The following FAM20B variants were observed in gnomAD, a reference collection of about 807,000 sequenced individuals.
FAM20B encodes glycosaminoglycan xylosylkinase.
In FAM20B, 23 loss-of-function variants were observed where a neutral mutation model predicts 43.8. The observed-to-expected ratio is 0.53, with a 90% CI of 0.38 to 0.74. The LOEUF (loss-of-function observed/expected upper bound fraction) is 0.74, where lower values mean the gene tolerates loss of function less well. Ranked by LOEUF, FAM20B falls within the 30% of genes least tolerant of loss-of-function variation. The probability of loss-of-function intolerance (pLI) is 0.00; values close to 1 mark genes in which losing one functional copy is unlikely to be tolerated. For synonymous variants in FAM20B, 178 were observed against 192.4 expected (o/e 0.93, Z 0.62); for missense variants, 440 against 510.5 (o/e 0.86, Z 1.33).
intron 1 of FAM20B, among the ~76,000 whole-genome samples, chr1:179,033,685 CTTTCTT>C (rs1256491271): frequency 7.9e-5 from 12 of 152,050 alleles, no homozygotes; most frequent in African/African-American, 2.2e-4. Flanking sequence ...TTATTTCTTT[CTTTCTT>C]TTTCTTTTTC....
chr1:179,033,522 A>G (rs995608952), intron 1 of FAM20B, among the ~76,000 whole-genome samples: 2 of 152,156 alleles, frequency 1.3e-5, no homozygotes, highest in Admixed American at 6.5e-5. Context: ...CCTCCCTGAG[A>G]TAATTGTTTT....
chr1:179,027,702 C>T (rs1649844897), intron 1 of FAM20B, among the ~76,000 whole-genome samples: 1 of 152,160 alleles, frequency 6.6e-6, no homozygotes, highest in Non-Finnish European at 1.5e-5. Flanking sequence ...ATCAAGACAT[C>T]TTGGAGTTCA....
intron 7 of FAM20B, among the ~76,000 whole-genome samples, chr1:179,070,360 A>G (rs1335499637): frequency 6.6e-6 from 1 of 151,984 alleles, no homozygotes; most frequent in Non-Finnish European, 1.5e-5. Context: ...TGTGTAATTT[A>G]TAATGAACAG....
chr1:179,038,802 G>A (rs568346151), intron 1 of FAM20B, among the ~76,000 whole-genome samples: 1 of 152,318 alleles, frequency 6.6e-6, no homozygotes, highest in East Asian at 1.9e-4. Context: ...AATTGCCTTT[G>A]TTTCAGCTAA....
At position 179,044,090 on chromosome 1, in the gene FAM20B, A is replaced by C. The variant is rs1650662004; in HGVS notation, c.243A>C (p.Thr81=). The C allele has an allele frequency of 6.2e-7, 1 of 1,614,028 alleles. No individual in the cohort carries two copies. Among genetic ancestry groups the C allele is most frequent in the Admixed American group, 1.7e-5 (1 of 60,006 alleles). ...CCCGGGAAGTGTACCCTGAAGAGAC[A>C]CCAGAGCTGGGGGCAGTCATGCATG... ...VVPREVYPEE[T]PELGAVMHAM... Residue 81 remains threonine (T), a synonymous_variant, in exon 2 of 8, where the codon ACA becomes ACC. Coordinates refer to ENST00000263733, the MANE Select transcript of FAM20B (RefSeq NM_014864.4).
rs529931192 is a variant in FAM20B at position 179,057,288 on chromosome 1, T to A, written c.574+2650T>A. On this transcript the variant is annotated intron_variant, in intron 4 of 7. Coordinates refer to ENST00000263733, the MANE Select transcript of FAM20B (RefSeq NM_014864.4). ...TGAACCCAGGAGACAGAGGTTGCAG[T>A]AAGCTGAGATCACGCCACTGTAACT... Among the ~76,000 whole-genome samples, 205 of 152,174 alleles carry A rather than the reference T, an allele frequency of 1.3e-3. 1 individual carries two copies. Among genetic ancestry groups the A allele is most frequent in the African/African-American group, 4.5e-3 (189 of 41,540 alleles).
intron 1 of FAM20B, chr1:179,035,577 C>A (rs916910433): frequency 3.5e-5 from 21 of 595,948 alleles, no homozygotes; most frequent in Non-Finnish European, 6.5e-5. Flanking sequence ...GCATCAGGCA[C>A]AGTTCATGCA....
At chr1:179,040,448 G>T (rs1182640166) in intron 1 of FAM20B, among the ~76,000 whole-genome samples, 2 of 150,128 alleles carry the variant, frequency 1.3e-5, no homozygotes, top group Admixed American at 6.6e-5. Flanking sequence ...GGGCAGAGGC[G>T]CCCCTCACCT....
chr1:179,040,438 G>A (rs573248985), intron 1 of FAM20B, among the ~76,000 whole-genome samples: 4 of 151,120 alleles, frequency 2.6e-5, no homozygotes, highest in African/African-American at 4.9e-5. Context: ...AGGGGCGGCC[G>A]GGCAGAGGCG....
chr1:179,027,823 CACAT>C (rs1181486504), intron 1 of FAM20B, among the ~76,000 whole-genome samples: 5 of 152,302 alleles, frequency 3.3e-5, no homozygotes, highest in East Asian at 3.9e-4. Flanking sequence ...AACTAGAAAA[CACAT>C]ACACTGCTTT....
chr1:179,023,203 T>G (rs1431566134), upstream of FAM20B, among the ~76,000 whole-genome samples: 3 of 152,202 alleles, frequency 2.0e-5, no homozygotes, highest in Non-Finnish European at 4.4e-5. Flanking sequence ...ATATCCATCC[T>G]TCTGCTAAGG....
At chr1:179,062,883 A>G (rs1397017687) in intron 4 of FAM20B, among the ~76,000 whole-genome samples, 1 of 152,098 alleles carries the variant, frequency 6.6e-6, no homozygotes, top group African/African-American at 2.4e-5. Context: ...ACTCTTGGCC[A>G]CACTTGGCCT....
At chr1:179,037,126 A>C (rs1188774885) in intron 1 of FAM20B, among the ~76,000 whole-genome samples, 1 of 152,188 alleles carries the variant, frequency 6.6e-6, no homozygotes, top group African/African-American at 2.4e-5. Flanking sequence ...TCTAGAATCA[A>C]AGGTGGTTGA....
intron 3 of FAM20B, among the ~76,000 whole-genome samples, chr1:179,053,722 A>G (rs1259700366): frequency 6.6e-6 from 1 of 152,202 alleles, no homozygotes; most frequent in African/African-American, 2.4e-5. Flanking sequence ...GACTGGGGAA[A>G]AGGTTCATGA....
chr1:179,034,022 G>C (rs1174691610), intron 1 of FAM20B, among the ~76,000 whole-genome samples: 1 of 152,080 alleles, frequency 6.6e-6, no homozygotes, highest in Non-Finnish European at 1.5e-5. Flanking sequence ...TAGGTCATCT[G>C]GTCTCACGTG....
At chr1:179,031,165 T>TA (rs1373356471) in intron 1 of FAM20B, among the ~76,000 whole-genome samples, 1 of 152,236 alleles carries the variant, frequency 6.6e-6, no homozygotes, top group Admixed American at 6.5e-5. Context: ...AGGAAAATGT[T>TA]ATAATATTTG....
At chr1:179,033,556 T>C (rs1478174061) in intron 1 of FAM20B, among the ~76,000 whole-genome samples, 1 of 152,228 alleles carries the variant, frequency 6.6e-6, no homozygotes, top group African/African-American at 2.4e-5. Context: ...TATTTCCCTA[T>C]GTCTTCTCCC....
At chr1:179,031,400 GT>G (rs1364449693) in intron 1 of FAM20B, among the ~76,000 whole-genome samples, 2 of 152,174 alleles carry the variant, frequency 1.3e-5, no homozygotes, top group Non-Finnish European at 2.9e-5. Flanking sequence ...ATGAGCTAAA[GT>G]TTTTTTCTTT....
At position 179,073,201 on chromosome 1, in the gene FAM20B, C is replaced by T. The variant is rs1346978574; in HGVS notation, c.*1057C>T. 6.6e-6 allele frequency: 1 copy of T among 152,174 alleles called. No individual in the cohort carries two copies. Among genetic ancestry groups the T allele is most frequent in the Non-Finnish European group, 1.5e-5 (1 of 68,044 alleles). 9.4% of individuals were successfully genotyped at this position (152,174 alleles called of 1,614,324 possible). A position where few individuals can be genotyped will look rare whatever the true frequency, so the allele number is the denominator to read the frequency against. ...TTGTCCCTTTCTCATAAGAAAGGGA[C>T]ACTCCTACAGGTGAGAGTGTATACC... On this transcript the variant is annotated 3_prime_UTR_variant, in exon 8 of 8. Coordinates refer to ENST00000263733, the MANE Select transcript of FAM20B (RefSeq NM_014864.4).
Sources: allele counts gnomAD v4.1 joint callset (sites outside exome capture counted in the v4.1 genomes callset), GRCh38; gene constraint gnomAD v4.1.1; transcripts MANE v1.5; gene names NCBI Gene and HGNC (gene_info 2026-07-23, HGNC 2026-07-21).